SLC16A3: variants seen among roughly 807,000 people sequenced by gnomAD.
SLC16A3 encodes the protein solute carrier family 16 member 3.
A neutral mutation model predicts 25.0 loss-of-function variants in SLC16A3; 22 were observed. The ratio of observed to expected loss-of-function variants is 0.88; its 90% CI spans 0.63 to 1.26. The LOEUF is 1.26. SLC16A3 is among the 50% of genes most tolerant of loss of function. The pLI is 0.00. For synonymous variants in SLC16A3, 390 were observed against 309.2 expected (o/e 1.26, Z -2.74); for missense variants, 731 against 666.6 (o/e 1.10, Z -1.06).
chr17:82,236,250 C>T lies in SLC16A3; in HGVS notation c.223+19C>T, dbSNP rs375054615. The T allele has an allele frequency of 2.0e-4, 321 of 1,602,278 alleles. No homozygotes were observed. In the African/African-American group the frequency reaches 3.5e-3, roughly 17 times the overall value. On this transcript the variant is annotated intron_variant, in intron 2 of 4. Transcript: ENST00000582743. ...GGGACAGGTGAGGGTGGCCTCACAC[C>T]GGGCCCCCTGTCCGGGGCTCTGCTG...
chr17:82,232,620 G>C (rs2050515699), intron 1 of SLC16A3, among the ~76,000 whole-genome samples: 1 of 152,222 alleles, frequency 6.6e-6, no homozygotes, highest in African/African-American at 2.4e-5. Flanking sequence ...AGGACTTCAT[G>C]GTCGAATCCT....
Position 82,238,849 on chromosome 17 carries a change from C to T in SLC16A3, c.1271C>T (p.Ala424Val), listed in dbSNP as rs376767279. The T allele has an allele frequency of 8.2e-5, 132 of 1,612,320 alleles. No homozygotes were observed. Among genetic ancestry groups the T allele is most frequent in the Non-Finnish European group, 1.0e-4 (118 of 1,179,628 alleles). Residue 424 changes from alanine to valine, a missense_variant, in exon 5 of 5, where the codon GCG becomes GTG. Transcript: ENST00000582743. ...GAGCCACAGCCTGAGGTGGCGGCCGCGGAGGAGGAGAAGCTCCACAAGCCT... is the reference window on the plus strand; with the variant it reads ...GAGCCACAGCCTGAGGTGGCGGCCGTGGAGGAGGAGAAGCTCCACAAGCCT... ...PKEPQPEVAA[A>V]EEEKLHKPPA...
At chr17:82,235,932 C>T in intron 1 of SLC16A3, 51 bp from the exon 2 acceptor site, 1 of 1,290,594 alleles carries the variant, frequency 7.7e-7, no homozygotes, top group Non-Finnish European at 1.1e-6. Flanking sequence ...TGCCAGGCTG[C>T]AGCTGGGATG....
chr17:82,224,984 G>A (rs2050413251), upstream of SLC16A3, among the ~76,000 whole-genome samples: 2 of 152,212 alleles, frequency 1.3e-5, no homozygotes, highest in Admixed American at 1.3e-4. Context: ...TCCCTGGGAA[G>A]GACCAGCAGC....
At chr17:82,227,575 CACCACCTGCCCT>C (rs2050432124), upstream of SLC16A3, among the ~76,000 whole-genome samples, 1 of 143,152 alleles carries the variant, frequency 7.0e-6, no homozygotes, top group African/African-American at 2.5e-5. Context: ...AAGATGGGAG[CACCACCTGCCCT>C]GGGCGGGAGC....
intron 1 of SLC16A3, chr17:82,232,252 A>G (rs1450393894): frequency 1.3e-5 from 2 of 152,322 alleles, no homozygotes; most frequent in Non-Finnish European, 2.9e-5. Flanking sequence ...GTAACAGGCC[A>G]CGGGCCCCGG....
rs570618603 is a variant in SLC16A3, at chr17:82,238,864, TCCA to T, written c.1288_1290del (p.His430del). ...GTGGCGGCCGCGGAGGAGGAGAAGC[TCCA>T]CAAGCCTCCTGCAGACTCGGGGGTG... On this transcript the variant is annotated inframe_deletion, in exon 5 of 5. Coordinates refer to ENST00000582743, the MANE Select transcript of SLC16A3 (RefSeq NM_004207.4). 35 of 1,611,644 alleles carry T rather than the reference TCCA, an allele frequency of 2.2e-5. 1 individual carries two copies. The South Asian group carries it at 3.5e-4, about 16-fold the overall frequency.
upstream of SLC16A3, among the ~76,000 whole-genome samples, chr17:82,224,929 G>T (rs979764140): frequency 1.5e-4 from 23 of 152,202 alleles, no homozygotes; most frequent in Non-Finnish European, 2.9e-5. Context: ...CCACGGTGCG[G>T]CTTCTCCTGC....
chr17:82,237,875 G>T lies in SLC16A3; in HGVS notation c.1105G>T (p.Val369Phe), dbSNP rs147554801. The change falls in exon 4 of 5, where the codon GTC becomes TTC. Residue 369 changes from valine to phenylalanine, a missense_variant. Val to Phe is a conservative substitution (Grantham distance 50, BLOSUM62 -1). Transcript: ENST00000582743. ...GCTGATGGAGGCGGTGGCCGTGCTC[G>T]TCGGGCCCCCTTCGGGAGGTGAGCG... ...VLLMEAVAVL[V>F]GPPSGGKLLD... 5.6e-6 allele frequency: 9 copies of T among 1,600,048 alleles called. No individual in the cohort carries two copies. The highest frequency in any genetic ancestry group is 7.6e-6 in the Non-Finnish European group (9 of 1,179,736).
chr17:82,237,145 T>C lies in SLC16A3; in HGVS notation c.375T>C (p.Gly125=). The C allele has an allele frequency of 6.6e-7, 1 of 1,507,418 alleles. No homozygotes were observed. The highest frequency in any genetic ancestry group is 2.2e-5 in the Admixed American group (1 of 45,600). 93.4% of individuals were successfully genotyped at this position (1,507,418 alleles called of 1,614,324 possible). The change falls in exon 4 of 5, where the codon GGT becomes GGC. Residue 125 remains glycine (G), a synonymous_variant. Coordinates refer to ENST00000582743, the MANE Select transcript of SLC16A3 (RefSeq NM_004207.4). ...ACATTCCCTTTCCTCCAGGGTTGGGTTTGGCACTCAACTTCCAGCCCTCGC... is the reference window on the plus strand; with the variant it reads ...ACATTCCCTTTCCTCCAGGGTTGGGCTTGGCACTCAACTTCCAGCCCTCGC... The part of the protein sequence containing the change: ...YLTTGVITGL[G]LALNFQPSLI...
rs536442203 is a variant in SLC16A3, at chr17:82,219,687, G to T, written c.-27+1503G>T. Among the ~76,000 whole-genome samples, 9 of 152,252 alleles carry T rather than the reference G, an allele frequency of 5.9e-5. No individual in the cohort carries two copies. In the East Asian group the frequency reaches 1.5e-3, roughly 26 times the overall value. On this transcript the variant is annotated intron_variant, in intron 1 of 4. Coordinates refer to the SLC16A3 transcript ENST00000580098. ...GCCTCTCAGTCTCGGACTTGGGGAG[G>T]AGCAGCCAGGCCAAAGGGTGCAAAG... is the stretch of plus-strand genomic sequence containing the variant.
chr17:82,226,169 T>C (rs576887059), upstream of SLC16A3, among the ~76,000 whole-genome samples: 53 of 151,666 alleles, frequency 3.5e-4, 1 homozygote, highest in African/African-American at 1.3e-3. Context: ...CAAAAGGAAG[T>C]TGGGGCAGCC....
chr17:82,236,786 G>A lies in SLC16A3; in HGVS notation c.281G>A (p.Gly94Glu). The change falls in exon 3 of 5, where the codon GGG (glycine) becomes GAG (glutamate). Residue 94 changes from glycine (G) to glutamate (E), a missense_variant. Transcript: ENST00000582743. ...GGCTGCCGGCCCGTCATGCTTGTGG[G>A]GGGTCTCTTTGCGTCGCTGGGCATG... ...RFGCRPVMLV[G>E]GLFASLGMVA... The A allele has an allele frequency of 2.5e-6, 4 of 1,609,138 alleles. No individual in the cohort carries two copies. Among genetic ancestry groups the A allele is most frequent in the South Asian group, 1.1e-5 (1 of 91,080 alleles).
chr17:82,233,474 C>T (rs924116494), intron 1 of SLC16A3, among the ~76,000 whole-genome samples: 5 of 152,166 alleles, frequency 3.3e-5, no homozygotes, highest in Non-Finnish European at 5.9e-5. Context: ...CGCCGCGTCT[C>T]CTGAGGGTGG....
chr17:82,230,348 CAG>C (rs1177418661), intron 1 of SLC16A3: 1 of 152,308 alleles, frequency 6.6e-6, no homozygotes, highest in East Asian at 1.9e-4. Flanking sequence ...ATGGTGTGGA[CAG>C]AGTCTGGGGT....
In SLC16A3 at chr17:82,238,771, C is replaced by T; in HGVS notation, c.1193C>T (p.Ser398Phe). 2.5e-6 allele frequency: 4 copies of T among 1,612,812 alleles called. No individual in the cohort carries two copies. The highest frequency in any genetic ancestry group is 3.4e-6 in the Non-Finnish European group (4 of 1,179,978). ...FILAGAEVLT[S>F]SLILLLGNFF... is the part of the protein sequence containing the mutation. ...CTGGCGGGGGCCGAGGTGCTCACCT[C>T]CTCCCTGATTTTGCTGCTGGGCAAC... Residue 398 changes from serine (S) to phenylalanine (F), a missense_variant, in exon 5 of 5, where the codon TCC becomes TTC. Ser to Phe is a radical substitution (Grantham distance 155, BLOSUM62 -2). Coordinates refer to ENST00000582743, the MANE Select transcript of SLC16A3 (RefSeq NM_004207.4).
intron 2 of SLC16A3, 127 bp downstream of exon 2, chr17:82,236,358 T>TG: frequency 1.1e-6 from 1 of 894,558 alleles, no homozygotes; most frequent in South Asian, 1.6e-5. Context: ...GGGAAGCCCT[T>TG]GGGGCCAGGA....
chr17:82,233,026 GGTT>G (rs1298426138), intron 1 of SLC16A3, among the ~76,000 whole-genome samples: 1 of 151,992 alleles, frequency 6.6e-6, no homozygotes, highest in African/African-American at 2.4e-5. Flanking sequence ...ACAGCCCCAG[GGTT>G]GTCCCTGGAA....
Position 82,229,106 on chromosome 17 carries a change from G to T in SLC16A3, c.-27G>T. 6.6e-6 allele frequency: 1 copy of T among 151,422 alleles called. No homozygotes were observed. Among genetic ancestry groups the T allele is most frequent in the South Asian group, 2.0e-4 (1 of 5,096 alleles). The allele number at this position is 151,422 out of a possible 1,614,324, so 9.4% of individuals were successfully genotyped here. On this transcript the variant is annotated splice_region_variant and 5_prime_UTR_variant, in exon 1 of 5. In the 5' UTR this introduces an upstream ATG that the reference lacks. Coordinates refer to ENST00000582743, the MANE Select transcript of SLC16A3 (RefSeq NM_004207.4). ...GGGCTGAGGCGGCCCAGCGGCGGCA[G>T]GTAGGCGCGGCCGCGATGCTCGCGC... is the stretch of plus-strand genomic sequence containing the variant.
Sources: gnomAD v4.1 joint callset for allele counts (sites outside exome capture counted in the v4.1 genomes callset) on GRCh38, gnomAD v4.1.1 for gene constraint, MANE v1.5 for transcripts, NCBI Gene and HGNC (gene_info 2026-07-23, HGNC 2026-07-21) for gene names.